PCSK2: variants seen among roughly 807,000 people sequenced by gnomAD.
PCSK2 encodes proprotein convertase subtilisin/kexin type 2, also known as neuroendocrine convertase 2.
In PCSK2, 14 loss-of-function variants were observed where a neutral mutation model predicts 69.7. The ratio of observed to expected loss-of-function variants is 0.20; its 90% CI spans 0.13 to 0.31. PCSK2 has a LOEUF of 0.31. Among genes scored for constraint, PCSK2 ranks in the 10% least tolerant of loss-of-function variants. The probability of loss-of-function intolerance (pLI) is 1.00; values close to 1 mark genes in which losing one functional copy is unlikely to be tolerated. For synonymous variants in PCSK2, 307 were observed against 320.7 expected, an observed-to-expected ratio of 0.96 and a Z score of 0.46; for missense variants, 544 against 842.5, an observed-to-expected ratio of 0.65 and a Z score of 4.39.
rs374148508 is a variant in PCSK2, at chr20:17,465,384, C to G, written c.1261C>G (p.Gln421Glu). The change falls in exon 11 of 12, where the codon CAG becomes GAG. Residue 421 changes from glutamine (Q) to glutamate (E), a missense_variant. Coordinates refer to ENST00000262545, the MANE Select transcript of PCSK2 (RefSeq NM_002594.5). ...HLTVLTSKRN[Q>E]LHDEVHQWRR... is the part of the protein sequence containing the mutation. The stretch of plus-strand genomic sequence containing the variant: ...GACTGTGCTCACCTCCAAACGGAAC[C>G]AGCTTCACGACGAGGTCCATCAGTG... 48 of 1,614,088 alleles carry G rather than the reference C, an allele frequency of 3.0e-5. No homozygotes were observed. The highest frequency in any genetic ancestry group is 3.9e-5 in the Non-Finnish European group (46 of 1,180,034).
chr20:17,379,122 A>T (rs547285952), intron 5 of PCSK2, among the ~76,000 whole-genome samples: 4 of 152,316 alleles, frequency 2.6e-5, no homozygotes, highest in African/African-American at 9.6e-5. Context: ...CCTGTTTCCC[A>T]ATCATACTGT....
At chr20:17,366,537 T>C (rs1169627417) in intron 4 of PCSK2, among the ~76,000 whole-genome samples, 1 of 152,176 alleles carries the variant, frequency 6.6e-6, no homozygotes, top group Non-Finnish European at 1.5e-5. Flanking sequence ...AGAATGAATA[T>C]GAGAATATTG....
In PCSK2 at chr20:17,460,265, A is replaced by C. The variant is rs181981069; in HGVS notation, c.1202+3817A>C. Among the ~76,000 whole-genome samples the C allele has an allele frequency of 8.4e-4, 128 of 151,820 alleles. 2 individuals are homozygous for C. The East Asian group carries it at 0.018, about 21-fold the overall frequency. Reference sequence around the variant, plus strand: ...AGAAGGAGAGAGAGAAAGAAAGAGAAAAATAAAAAAAGAAAGAAAGAAAAG... The same window carrying C: ...AGAAGGAGAGAGAGAAAGAAAGAGACAAATAAAAAAAGAAAGAAAGAAAAG... On this transcript the variant is annotated intron_variant, in intron 10 of 11. Transcript: ENST00000262545.
At chr20:17,358,077 A>C (rs537272999) in intron 2 of PCSK2, among the ~76,000 whole-genome samples, 12 of 152,216 alleles carry the variant, frequency 7.9e-5, no homozygotes, top group South Asian at 2.1e-4. Flanking sequence ...AGGCTGAGGC[A>C]GGCAGATCAC....
intron 2 of PCSK2, among the ~76,000 whole-genome samples, chr20:17,273,283 A>G (rs1987938424): frequency 6.6e-6 from 1 of 152,176 alleles, no homozygotes; most frequent in Non-Finnish European, 1.5e-5. Context: ...ACACTTATTC[A>G]TGTGACATGG....
intron 9 of PCSK2, among the ~76,000 whole-genome samples, chr20:17,454,959 C>T (rs2032893394): frequency 6.6e-6 from 1 of 152,202 alleles, no homozygotes; most frequent in Non-Finnish European, 1.5e-5. Flanking sequence ...AGCCCTCCTG[C>T]ATTCCCCCTT....
At chr20:17,366,522 G>A (rs1486434234) in intron 4 of PCSK2, among the ~76,000 whole-genome samples, 3 of 152,150 alleles carry the variant, frequency 2.0e-5, no homozygotes, top group Non-Finnish European at 4.4e-5. Context: ...AAAGCATGAA[G>A]TATAAGAATG....
chr20:17,260,414 G>A (rs1987334886), intron 2 of PCSK2, 70 bp downstream of exon 2: 5 of 1,009,476 alleles, frequency 5.0e-6, no homozygotes, highest in South Asian at 2.5e-5. Flanking sequence ...GGGGTGTGGA[G>A]GGGCTGGCAG....
chr20:17,322,111 C>G (rs1989886049), intron 2 of PCSK2, among the ~76,000 whole-genome samples: 2 of 151,932 alleles, frequency 1.3e-5, no homozygotes, highest in Non-Finnish European at 2.9e-5. Flanking sequence ...TCTTCAAAGC[C>G]CACAAAAGAA....
Position 17,342,421 on chromosome 20 carries a change from C to T in PCSK2, c.283-15906C>T, listed in dbSNP as rs192480670. On this transcript the variant is annotated intron_variant, in intron 2 of 11. Coordinates refer to ENST00000262545, the MANE Select transcript of PCSK2 (RefSeq NM_002594.5). ...CACCCTCCACCCCACTGAGGTCAAC[C>T]AATCCTCCTACCTCAGCCTCCCTGG... Among the ~76,000 whole-genome samples the T allele has an allele frequency of 1.0e-3, 152 of 152,246 alleles. 1 individual carries two copies. The highest frequency in any genetic ancestry group is 3.6e-3 in the African/African-American group (148 of 41,544).
At chr20:17,283,312 G>C (rs1221510767) in intron 2 of PCSK2, among the ~76,000 whole-genome samples, 1 of 152,186 alleles carries the variant, frequency 6.6e-6, no homozygotes, top group Non-Finnish European at 1.5e-5. Flanking sequence ...AAAGGGAAAA[G>C]ATATTCACAA....
chr20:17,378,654 T>C lies in PCSK2; in HGVS notation c.543+9377T>C, dbSNP rs554990905. On this transcript the variant is annotated intron_variant, in intron 5 of 11. Transcript: ENST00000262545. The stretch of plus-strand genomic sequence containing the variant: ...ATGGATGGATGGATGAATGGATGGA[T>C]GGATGATTGGATGGATGGATGGTTA... 9.5e-4 allele frequency among the ~76,000 whole-genome samples: 143 copies of C among 151,226 alleles called. 2 individuals are homozygous for C. The highest frequency in any genetic ancestry group is 3.3e-3 in the African/African-American group (137 of 41,196).
intron 2 of PCSK2, among the ~76,000 whole-genome samples, chr20:17,353,067 A>G (rs746685399): frequency 7.2e-5 from 11 of 152,248 alleles, no homozygotes; most frequent in Non-Finnish European, 1.5e-4. Context: ...CAGGTGGCCA[A>G]CAAACATATG....
intron 8 of PCSK2, 90 bp downstream of exon 8, chr20:17,436,973 C>A: frequency 1.7e-6 from 2 of 1,166,154 alleles, no homozygotes; most frequent in Non-Finnish European, 2.4e-6. Flanking sequence ...ACCACTGTCA[C>A]CCTGTGTGTG....
chr20:17,369,884 T>A (rs1044152877), intron 5 of PCSK2, among the ~76,000 whole-genome samples: 2 of 152,236 alleles, frequency 1.3e-5, no homozygotes, highest in Non-Finnish European at 1.5e-5. Context: ...GTAAGAGCGT[T>A]ATCTTTTTTG....
chr20:17,326,268 G>A (rs141166167), intron 2 of PCSK2, among the ~76,000 whole-genome samples: 3 of 152,304 alleles, frequency 2.0e-5, no homozygotes, highest in African/African-American at 7.2e-5. Context: ...CTCCATCAGC[G>A]TGTATGTTGT....
chr20:17,367,186 T>C (rs1206539620), intron 4 of PCSK2, among the ~76,000 whole-genome samples: 1 of 152,128 alleles, frequency 6.6e-6, no homozygotes, highest in African/African-American at 2.4e-5. Context: ...ATTTAAGCTA[T>C]CTTAACAAAT....
At chr20:17,356,842 C>T (rs1409298739) in intron 2 of PCSK2, among the ~76,000 whole-genome samples, 1 of 152,108 alleles carries the variant, frequency 6.6e-6, no homozygotes, top group East Asian at 1.9e-4. Context: ...CCTTGCTTCA[C>T]CTTCCCAAGA....
At chr20:17,409,489 T>A (rs1219041666) in intron 6 of PCSK2, 150 bp downstream of exon 6, 4 of 607,766 alleles carry the variant, frequency 6.6e-6, no homozygotes, top group African/African-American at 5.6e-5. Flanking sequence ...TTACATTCTC[T>A]AAAGTGAAAT....
Sources: gnomAD v4.1 joint callset for allele counts (sites outside exome capture counted in the v4.1 genomes callset) on GRCh38, gnomAD v4.1.1 for gene constraint, MANE v1.5 for transcripts, NCBI Gene and HGNC (gene_info 2026-07-23, HGNC 2026-07-21) for gene names.